ST6GALNAC3: variants seen among roughly 807,000 people sequenced by gnomAD.
The protein encoded by ST6GALNAC3 is ST6 N-acetylgalactosaminide alpha-2,6-sialyltransferase 3, also known as alpha-N-acetylgalactosaminide alpha-2,6-sialyltransferase 3.
A neutral mutation model predicts 32.7 loss-of-function variants in ST6GALNAC3; 25 were observed. That is an observed-to-expected ratio of 0.76 (90% CI 0.56 to 1.07). The LOEUF (loss-of-function observed/expected upper bound fraction) is 1.07, where lower values mean the gene tolerates loss of function less well. Ranked by LOEUF, ST6GALNAC3 falls within the 50% of genes least tolerant of loss-of-function variation. ST6GALNAC3 has a pLI of 0.00. For synonymous variants in ST6GALNAC3, 129 were observed against 133.1 expected, an observed-to-expected ratio of 0.97 and a Z score of 0.21; for missense variants, 355 against 382.4, an observed-to-expected ratio of 0.93 and a Z score of 0.60.
chr1:76,580,193 A>G (rs578187280), intron 3 of ST6GALNAC3, among the ~76,000 whole-genome samples: 24 of 152,192 alleles, frequency 1.6e-4, no homozygotes, highest in African/African-American at 5.5e-4. Context: ...AAGTATTTCA[A>G]TCTATTGCAT....
At chr1:76,174,329 G>T (rs2100433233) in intron 1 of ST6GALNAC3, among the ~76,000 whole-genome samples, 1 of 152,166 alleles carries the variant, frequency 6.6e-6, no homozygotes, top group South Asian at 2.1e-4. Context: ...GGATGGGGGT[G>T]AGAGGAGGGA....
intron 1 of ST6GALNAC3, among the ~76,000 whole-genome samples, chr1:76,198,387 G>T (rs1654328808): frequency 1.3e-5 from 2 of 152,114 alleles, no homozygotes; most frequent in Admixed American, 1.3e-4. Context: ...TTATTCAGGG[G>T]ATTGACCTAA....
rs371808359 is a variant in ST6GALNAC3 at position 76,151,399 on chromosome 1, G to A, written c.18+76515G>A. Among the ~76,000 whole-genome samples the A allele has an allele frequency of 3.9e-5, 6 of 152,328 alleles. No homozygotes were observed. In the East Asian group the frequency reaches 7.7e-4, roughly 20 times the overall value. The stretch of plus-strand genomic sequence containing the variant: ...TTAAAGATATAAGGCCAGGCCATTT[G>A]AAAAGGTTTAGTCCCTCGTAGAAAG... On this transcript the variant is annotated intron_variant, in intron 1 of 4. Coordinates refer to ENST00000328299, the MANE Select transcript of ST6GALNAC3 (RefSeq NM_152996.4).
chr1:76,182,355 T>G (rs1014382944), intron 1 of ST6GALNAC3, among the ~76,000 whole-genome samples: 1 of 152,202 alleles, frequency 6.6e-6, no homozygotes, highest in Non-Finnish European at 1.5e-5. Flanking sequence ...TAGACAATAG[T>G]CTTTTCTGTA....
intron 3 of ST6GALNAC3, among the ~76,000 whole-genome samples, chr1:76,464,731 A>G (rs866003398): frequency 7.2e-5 from 11 of 152,236 alleles, no homozygotes; most frequent in Admixed American, 3.9e-4. Flanking sequence ...AATTATCATT[A>G]TATTTAACAA....
intron 3 of ST6GALNAC3, among the ~76,000 whole-genome samples, chr1:76,456,156 A>C (rs901661954): frequency 6.6e-6 from 1 of 152,192 alleles, no homozygotes; most frequent in Admixed American, 6.5e-5. Flanking sequence ...TGGGCGACAG[A>C]GTGAAACTCT....
At chr1:76,385,789 T>C (rs867660973) in intron 2 of ST6GALNAC3, among the ~76,000 whole-genome samples, 2 of 152,244 alleles carry the variant, frequency 1.3e-5, no homozygotes, top group Middle Eastern at 3.4e-3. Flanking sequence ...TGAGCTTACA[T>C]TGATGACAAG....
At chr1:76,486,345 T>A in intron 3 of ST6GALNAC3, among the ~76,000 whole-genome samples, 1 of 152,072 alleles carries the variant, frequency 6.6e-6, no homozygotes, top group East Asian at 1.9e-4. Flanking sequence ...CCCATTATTA[T>A]TGTGTGGGAG....
intron 3 of ST6GALNAC3, among the ~76,000 whole-genome samples, chr1:76,463,613 GT>G (rs1658429422): frequency 2.0e-5 from 3 of 152,244 alleles, no homozygotes; most frequent in African/African-American, 7.2e-5. Flanking sequence ...GCCAATTGTT[GT>G]ACCCTGGGGT....
chr1:76,498,125 G>A (rs1557492455), intron 3 of ST6GALNAC3, among the ~76,000 whole-genome samples: 1 of 152,132 alleles, frequency 6.6e-6, no homozygotes, highest in Non-Finnish European at 1.5e-5. Context: ...AGCTGCTTCT[G>A]GTAGCCCAGG....
rs182911683 is a variant in ST6GALNAC3, at chr1:76,530,210, G to A, written c.624-97242G>A. ...TTTGCTCAGCAAGGTTTTTATTTCCGTTCTTCTGGTAATACACTCTAACCA... is the reference window on the plus strand; with the variant it reads ...TTTGCTCAGCAAGGTTTTTATTTCCATTCTTCTGGTAATACACTCTAACCA... On this transcript the variant is annotated intron_variant, in intron 3 of 4. Transcript: ENST00000328299. Among the ~76,000 whole-genome samples the A allele has an allele frequency of 5.3e-4, 81 of 152,126 alleles. No homozygotes were observed. The Middle Eastern group carries it at 0.014, about 26-fold the overall frequency.
At chr1:76,105,978 C>T (rs1647501324) in intron 1 of ST6GALNAC3, among the ~76,000 whole-genome samples, 1 of 152,212 alleles carries the variant, frequency 6.6e-6, no homozygotes, top group South Asian at 2.1e-4. Context: ...GCTTTGGAGT[C>T]GTACCAAACT....
intron 2 of ST6GALNAC3, among the ~76,000 whole-genome samples, chr1:76,341,324 T>C (rs2100991244): frequency 6.6e-6 from 1 of 152,186 alleles, no homozygotes; most frequent in South Asian, 2.1e-4. Context: ...TTTCCATTTC[T>C]GTAGTAATTC....
At chr1:76,114,630 G>A (rs964052517) in intron 1 of ST6GALNAC3, among the ~76,000 whole-genome samples, 1 of 152,190 alleles carries the variant, frequency 6.6e-6, no homozygotes, top group African/African-American at 2.4e-5. Flanking sequence ...AAAGGAACAG[G>A]TTGAGGGATG....
At chr1:76,171,372 CACTA>C (rs1484809333) in intron 1 of ST6GALNAC3, among the ~76,000 whole-genome samples, 2 of 152,050 alleles carry the variant, frequency 1.3e-5, no homozygotes, top group African/African-American at 4.8e-5. Flanking sequence ...CAGCATTAAC[CACTA>C]ACTAAGTGGA....
intron 3 of ST6GALNAC3, among the ~76,000 whole-genome samples, chr1:76,528,297 G>A (rs1570115803): frequency 6.6e-6 from 1 of 152,250 alleles, no homozygotes; most frequent in African/African-American, 2.4e-5. Flanking sequence ...AGGCTCTGGG[G>A]CTATCCTGTA....
intron 1 of ST6GALNAC3, among the ~76,000 whole-genome samples, chr1:76,082,268 G>A (rs1413823297): frequency 6.6e-6 from 1 of 152,158 alleles, no homozygotes; most frequent in African/African-American, 2.4e-5. Context: ...ATTTACAAGT[G>A]CTACCTGGAT....
At chr1:76,123,749 A>ATTT (rs767734132) in intron 1 of ST6GALNAC3, among the ~76,000 whole-genome samples, 2,498 of 94,200 alleles carry the variant, frequency 0.027, 77 homozygotes, top group Non-Finnish European at 0.03. Flanking sequence ...ACTCATTTTA[A>ATTT]TTTTTTTTTT....
intron 3 of ST6GALNAC3, among the ~76,000 whole-genome samples, chr1:76,584,476 C>G (rs556744684): frequency 6.6e-6 from 1 of 152,264 alleles, no homozygotes; most frequent in East Asian, 1.9e-4. Context: ...TTTTTAAAGC[C>G]ATGATTTCAT....
Sources: gnomAD v4.1 joint callset for allele counts (sites outside exome capture counted in the v4.1 genomes callset) on GRCh38, gnomAD v4.1.1 for gene constraint, MANE v1.5 for transcripts, NCBI Gene and HGNC (gene_info 2026-07-23, HGNC 2026-07-21) for gene names.